Variants in CALD1 observed in about 807,000 individuals in gnomAD.
CALD1 encodes the protein caldesmon.
A neutral mutation model predicts 99.9 loss-of-function variants in CALD1; 33 were observed. The observed-to-expected ratio is 0.33, with a 90% CI of 0.25 to 0.44. The LOEUF (loss-of-function observed/expected upper bound fraction) is 0.44, where lower values mean the gene tolerates loss of function less well. CALD1 is among the 20% of genes least tolerant of loss of function. The probability of loss-of-function intolerance (pLI) is 1.00; values close to 1 mark genes in which losing one functional copy is unlikely to be tolerated. For missense variants in CALD1, 861 were observed against 962.1 expected, an observed-to-expected ratio of 0.89 and a Z score of 1.39; for synonymous variants, 310 against 325.0, an observed-to-expected ratio of 0.95 and a Z score of 0.50.
rs1808886085 is a variant in CALD1 at position 134,969,199 on chromosome 7, T to C, written c.*854T>C. The C allele has an allele frequency of 6.6e-6, 1 of 152,460 alleles. No homozygotes were observed. Among genetic ancestry groups the C allele is most frequent in the African/African-American group, 2.4e-5 (1 of 41,434 alleles). 9.4% of individuals were successfully genotyped at this position (152,460 alleles called of 1,614,324 possible). On this transcript the variant is annotated 3_prime_UTR_variant, in exon 15 of 15. Coordinates refer to ENST00000361675, the MANE Select transcript of CALD1 (RefSeq NM_033138.4). ...TATTTTATATTTGCCAACAGAAACA[T>C]GGCAGATAGGTATCAATATGTTTTC...
At chr7:134,753,642 A>T (rs951814477) in intron 1 of CALD1, among the ~76,000 whole-genome samples, 3 of 152,140 alleles carry the variant, frequency 2.0e-5, no homozygotes, top group African/African-American at 7.2e-5. Flanking sequence ...AAAGACTATG[A>T]CTTTGCAAGG....
At chr7:134,756,286 A>AAAAT (rs1796728115) in intron 1 of CALD1, among the ~76,000 whole-genome samples, 1 of 150,224 alleles carries the variant, frequency 6.7e-6, no homozygotes. Flanking sequence ...AAAAAAAAAA[A>AAAAT]AAAAACTAAA....
intron 1 of CALD1, among the ~76,000 whole-genome samples, chr7:134,773,782 CTGTGTGTG>C (rs36104737): frequency 0.021 from 2,870 of 138,732 alleles, 88 homozygotes; most frequent in African/African-American, 0.062. Flanking sequence ...AACCTCTCTT[CTGTGTGTG>C]TGTGTGTGTG....
At chr7:134,887,976 A>T (rs1043245583) in intron 3 of CALD1, among the ~76,000 whole-genome samples, 1 of 152,194 alleles carries the variant, frequency 6.6e-6, no homozygotes, top group Non-Finnish European at 1.5e-5. Flanking sequence ...TTCAAGGTAG[A>T]AGCTGTTCTT....
Position 134,802,979 on chromosome 7 carries a change from C to A in CALD1, c.-130+23230C>A, listed in dbSNP as rs143570110. ...CAAGAAATTGCCAAACTGTTCACTGCGGTGATGCTGTTTTTAACACTTACA... is the reference window on the plus strand; with the variant it reads ...CAAGAAATTGCCAAACTGTTCACTGAGGTGATGCTGTTTTTAACACTTACA... On this transcript the variant is annotated intron_variant, in intron 1 of 14. Transcript: ENST00000361675. 2.3e-3 allele frequency among the ~76,000 whole-genome samples: 356 copies of A among 152,296 alleles called. 1 individual carries two copies. Among genetic ancestry groups the A allele is most frequent in the Non-Finnish European group, 4.4e-3 (296 of 68,026 alleles).
chr7:134,965,418 G>A (rs754608933), intron 14 of CALD1, 32 bp downstream of exon 14: 1 of 1,074,192 alleles, frequency 9.3e-7, no homozygotes, highest in East Asian at 2.4e-5. Flanking sequence ...TATTTCAGAG[G>A]TTTGTTTTCC....
intron 1 of CALD1, among the ~76,000 whole-genome samples, chr7:134,765,503 C>T (rs145161684): frequency 6.6e-6 from 1 of 152,122 alleles, no homozygotes. Context: ...GGGACACCTG[C>T]CCCACTACTG....
At chr7:134,799,176 G>A (rs1797855492) in intron 1 of CALD1, among the ~76,000 whole-genome samples, 1 of 152,142 alleles carries the variant, frequency 6.6e-6, no homozygotes, top group African/African-American at 2.4e-5. Flanking sequence ...AATATATCAC[G>A]ATGAGGAAAT....
intron 3 of CALD1, among the ~76,000 whole-genome samples, chr7:134,907,803 C>T (rs11562045): frequency 2.5e-4 from 38 of 152,038 alleles, no homozygotes; most frequent in East Asian, 1.9e-3. Flanking sequence ...GGGAGCCACT[C>T]GTGGGCCCTC....
At chr7:134,949,622 A>G (rs1219550506) in intron 8 of CALD1, among the ~76,000 whole-genome samples, 3 of 152,200 alleles carry the variant, frequency 2.0e-5, no homozygotes, top group East Asian at 3.9e-4. Context: ...ATAGTACCAC[A>G]GATTTAGATA....
At chr7:134,902,072 G>A (rs1247018544) in intron 3 of CALD1, among the ~76,000 whole-genome samples, 2 of 151,964 alleles carry the variant, frequency 1.3e-5, no homozygotes, top group African/African-American at 2.4e-5. Flanking sequence ...TCTAAAATTG[G>A]GCACAATCTC....
rs1799369693 is a variant in CALD1 at position 134,834,880 on chromosome 7, C to T, written c.-129-9004C>T. On this transcript the variant is annotated intron_variant, in intron 1 of 14. Coordinates refer to ENST00000361675, the MANE Select transcript of CALD1 (RefSeq NM_033138.4). ...AGACTGATCAGAGGAATTCCACTGG[C>T]CCTTCCCAGGGCCCTGTGCACAAAA... Among the ~76,000 whole-genome samples the T allele has an allele frequency of 2.0e-5, 3 of 152,198 alleles. 1 individual carries two copies. The highest frequency in any genetic ancestry group is 1.3e-4 in the Admixed American group (2 of 15,292).
At chr7:134,922,605 G>A (rs562941516) in intron 3 of CALD1, among the ~76,000 whole-genome samples, 4 of 152,254 alleles carry the variant, frequency 2.6e-5, no homozygotes, top group South Asian at 4.2e-4. Context: ...AGCTGGGGTC[G>A]GGGGACACTG....
At chr7:134,852,783 T>C (rs758164224) in intron 2 of CALD1, among the ~76,000 whole-genome samples, 13 of 152,190 alleles carry the variant, frequency 8.5e-5, no homozygotes, top group African/African-American at 1.7e-4. Flanking sequence ...GCTGAGACCT[T>C]GACTTAAATC....
At position 134,933,902 on chromosome 7, in the gene CALD1, A is replaced by G; in HGVS notation, c.1133A>G (p.Glu378Gly). 1 of 1,613,954 alleles carries G rather than the reference A, an allele frequency of 6.2e-7. No homozygotes were observed. The highest frequency in any genetic ancestry group is 8.5e-7 in the Non-Finnish European group (1 of 1,179,882). Residue 378 changes from glutamate to glycine, a missense_variant, in exon 5 of 15, where the codon GAA (glutamate) becomes GGA (glycine). Transcript: ENST00000361675. ...AGGCAAAGGGCCAGGGCAGAGGAGG[A>G]AGAGAAGGCTAAGGTAGAAGAGCAG... ...EERQRARAEE[E>G]EKAKVEEQKR...
chr7:134,888,710 T>C (rs1369077829), intron 3 of CALD1, among the ~76,000 whole-genome samples: 1 of 152,222 alleles, frequency 6.6e-6, no homozygotes, highest in Non-Finnish European at 1.5e-5. Context: ...GTCAGTACCC[T>C]ACCAGGTAGC....
At chr7:134,800,682 G>A (rs1324242798) in intron 1 of CALD1, among the ~76,000 whole-genome samples, 1 of 151,952 alleles carries the variant, frequency 6.6e-6, no homozygotes, top group Non-Finnish European at 1.5e-5. Flanking sequence ...ATCATTTAAT[G>A]TATGAGATAA....
In CALD1 at chr7:134,836,725, C is replaced by T. The variant is rs116302526; in HGVS notation, c.-129-7159C>T. Among the ~76,000 whole-genome samples the T allele has an allele frequency of 9.7e-3, 1,483 of 152,258 alleles. 27 individuals carry two copies. Among genetic ancestry groups the T allele is most frequent in the African/African-American group, 0.034 (1,426 of 41,550 alleles). On this transcript the variant is annotated intron_variant, in intron 1 of 14. Transcript: ENST00000361675. ...GAGAAGTTCAGAAATTTCATAAGAC[C>T]GCAAACGACTTTCTCTTTCCTATTT...
chr7:134,825,686 CATA>C (rs1409778525), intron 1 of CALD1, among the ~76,000 whole-genome samples: 2 of 152,116 alleles, frequency 1.3e-5, no homozygotes, highest in Non-Finnish European at 2.9e-5. Flanking sequence ...TATTACATCA[CATA>C]ATAACCCAAG....
Sources: allele counts gnomAD v4.1 joint callset (sites outside exome capture counted in the v4.1 genomes callset), GRCh38; gene constraint gnomAD v4.1.1; transcripts MANE v1.5; gene names NCBI Gene and HGNC (gene_info 2026-07-23, HGNC 2026-07-21).